The following ADGB variants were observed in gnomAD, a reference collection of about 807,000 sequenced individuals.
ADGB encodes the protein calpain-7-like protein.
A neutral mutation model predicts 210.5 loss-of-function variants in ADGB; 172 were observed. The observed-to-expected ratio is 0.82, with a 90% CI of 0.72 to 0.93. The LOEUF (loss-of-function observed/expected upper bound fraction) is 0.93. Ranked by LOEUF, ADGB falls within the 40% of genes least tolerant of loss-of-function variation. ADGB has a pLI of 0.00. For missense variants in ADGB, 2,025 were observed against 1,964.8 expected, an observed-to-expected ratio of 1.03 and a Z score of -0.58; for synonymous variants, 658 against 662.7, an observed-to-expected ratio of 0.99 and a Z score of 0.11.
chr6:146,612,556 A>G (rs1432575130), intron 1 of ADGB, among the ~76,000 whole-genome samples: 3 of 151,908 alleles, frequency 2.0e-5, no homozygotes, highest in African/African-American at 7.3e-5. Flanking sequence ...CTCCACATTC[A>G]TTTTCTTCCC....
intron 33 of ADGB, among the ~76,000 whole-genome samples, chr6:146,794,760 G>A (rs1309967465): frequency 6.6e-6 from 1 of 152,090 alleles, no homozygotes; most frequent in African/African-American, 2.4e-5. Context: ...AAAATCAACT[G>A]AAGGCATAAA....
At chr6:146,656,509 CCA>C (rs1391252339) in intron 4 of ADGB, among the ~76,000 whole-genome samples, 1 of 152,116 alleles carries the variant, frequency 6.6e-6, no homozygotes, top group Non-Finnish European at 1.5e-5. Context: ...GCCAAATCAC[CCA>C]CAGTTTACTT....
chr6:146,701,483 G>A (rs1462407471), intron 13 of ADGB, among the ~76,000 whole-genome samples: 1 of 151,942 alleles, frequency 6.6e-6, no homozygotes, highest in Non-Finnish European at 1.5e-5. Context: ...GGCTGTATTA[G>A]TTGCTTCTTG....
At chr6:146,718,620 A>G (rs373351441) in intron 16 of ADGB, among the ~76,000 whole-genome samples, 2 of 152,246 alleles carry the variant, frequency 1.3e-5, no homozygotes, top group African/African-American at 4.8e-5. Flanking sequence ...ACTATGACAC[A>G]TATTCCGGGA....
At chr6:146,660,125 G>T (rs544650017) in intron 5 of ADGB, among the ~76,000 whole-genome samples, 1 of 152,132 alleles carries the variant, frequency 6.6e-6, no homozygotes, top group South Asian at 2.1e-4. Context: ...CACTTCCCAT[G>T]CCCCACTCCA....
Position 146,809,777 on chromosome 6 carries a change from T to C in ADGB, c.4819-5255T>C, listed in dbSNP as rs563124006. 3.9e-4 allele frequency among the ~76,000 whole-genome samples: 59 copies of C among 152,168 alleles called. 3 individuals are homozygous for C. The South Asian group carries it at 0.011, about 29-fold the overall frequency. ...AATATCCACATGCAAAAGAATAAAATAGGAACATTGCCCTATGCTATACAA... is the reference window on the plus strand; with the variant it reads ...AATATCCACATGCAAAAGAATAAAACAGGAACATTGCCCTATGCTATACAA... On this transcript the variant is annotated intron_variant, in intron 35 of 35. Coordinates refer to ENST00000397944, the MANE Select transcript of ADGB (RefSeq NM_024694.4).
intron 5 of ADGB, 99 bp from the exon 6 acceptor site, chr6:146,664,102 G>A: frequency 6.7e-6 from 8 of 1,196,674 alleles, no homozygotes; most frequent in Non-Finnish European, 9.0e-6. Context: ...AAATAAAATT[G>A]GAAAACGGTA....
chr6:146,637,021 T>C (rs1437103792), intron 2 of ADGB, among the ~76,000 whole-genome samples: 1 of 151,794 alleles, frequency 6.6e-6, no homozygotes, highest in African/African-American at 2.4e-5. Context: ...GACGGGTGAA[T>C]CAAATTGTGA....
intron 33 of ADGB, among the ~76,000 whole-genome samples, chr6:146,789,613 A>G (rs1777925899): frequency 1.3e-5 from 2 of 152,208 alleles, no homozygotes; most frequent in Non-Finnish European, 2.9e-5. Context: ...AGAGATTCTG[A>G]TATTTTTTAA....
intron 11 of ADGB, among the ~76,000 whole-genome samples, chr6:146,691,499 TA>T (rs71552954): frequency 2.6e-4 from 7 of 26,590 alleles, no homozygotes; most frequent in African/African-American, 1.0e-3. Flanking sequence ...TATATATATA[TA>T]TTTTTTTTTT....
chr6:146,746,650 A>G (rs1472060145), intron 26 of ADGB, among the ~76,000 whole-genome samples: 1 of 151,962 alleles, frequency 6.6e-6, no homozygotes, highest in Admixed American at 6.6e-5. Flanking sequence ...CATTCTCCCT[A>G]TCCATTTACA....
intron 25 of ADGB, among the ~76,000 whole-genome samples, 159 bp downstream of exon 25, chr6:146,741,430 G>A (rs1410770548): frequency 6.6e-6 from 1 of 152,024 alleles, no homozygotes; most frequent in Non-Finnish European, 1.5e-5. Flanking sequence ...TTTAACAGTA[G>A]GAGATATTAA....
Position 146,666,822 on chromosome 6 carries a change from T to C in ADGB, c.759T>C (p.His253=). 1 of 1,546,724 alleles carries C rather than the reference T, an allele frequency of 6.5e-7. No homozygotes were observed. ...AIIKLANIDI[H]VADRRELGEF... ...TATGCATGTTCTTTTTTAGCATCCATGTAGCAGACAGGAGAGAGCTGGGGG... is the reference window on the plus strand; with the variant it reads ...TATGCATGTTCTTTTTTAGCATCCACGTAGCAGACAGGAGAGAGCTGGGGG... The change falls in exon 7 of 36, where the codon CAT becomes CAC. Residue 253 remains histidine (H), a synonymous_variant. Coordinates refer to ENST00000397944, the MANE Select transcript of ADGB (RefSeq NM_024694.4).
intron 9 of ADGB, among the ~76,000 whole-genome samples, chr6:146,680,097 C>A (rs958207602): frequency 6.6e-6 from 1 of 152,224 alleles, no homozygotes; most frequent in South Asian, 2.1e-4. Flanking sequence ...TCACAATTTC[C>A]TCCTCTTTCT....
chr6:146,655,384 C>T (rs1472433044), intron 4 of ADGB, among the ~76,000 whole-genome samples: 2 of 152,156 alleles, frequency 1.3e-5, no homozygotes, highest in Non-Finnish European at 2.9e-5. Context: ...GCACAGCTGT[C>T]CTACTTCCTG....
At chr6:146,688,948 C>T (rs988077440) in intron 10 of ADGB, among the ~76,000 whole-genome samples, 2 of 152,084 alleles carry the variant, frequency 1.3e-5, no homozygotes, top group Non-Finnish European at 2.9e-5. Context: ...GAAAAATACA[C>T]GAAAATCAAG....
intron 3 of ADGB, among the ~76,000 whole-genome samples, chr6:146,653,691 C>A (rs576713005): frequency 1.6e-4 from 25 of 151,958 alleles, no homozygotes; most frequent in Non-Finnish European, 3.4e-4. Context: ...ACCCCCATGA[C>A]GTAAGTTTAC....
intron 29 of ADGB, among the ~76,000 whole-genome samples, chr6:146,781,495 G>T (rs1193588423): frequency 6.7e-6 from 1 of 150,344 alleles, no homozygotes; most frequent in Admixed American, 6.6e-5. Context: ...CGAGGATGCA[G>T]TAAAAGTAGT....
rs989639358 is a variant in ADGB at position 146,781,848 on chromosome 6, A to T, written c.3863-172A>T. 2.0e-5 allele frequency among the ~76,000 whole-genome samples: 3 copies of T among 152,300 alleles called. No homozygotes were observed. In the East Asian group the frequency reaches 5.8e-4, roughly 29 times the overall value. On this transcript the variant is annotated intron_variant, in intron 29 of 35. Coordinates refer to ENST00000397944, the MANE Select transcript of ADGB (RefSeq NM_024694.4). ...GGTGAGTGTTTGGTATATGAATTAT[A>T]TGTAGATTTTATGAAAACGAGTCCA... is the stretch of plus-strand genomic sequence containing the variant.
Sources: gnomAD v4.1 joint callset for allele counts (sites outside exome capture counted in the v4.1 genomes callset) on GRCh38, gnomAD v4.1.1 for gene constraint, MANE v1.5 for transcripts, NCBI Gene and HGNC (gene_info 2026-07-23, HGNC 2026-07-21) for gene names.